The following CDH13 variants were observed in gnomAD, a reference collection of about 807,000 sequenced individuals.
CDH13 encodes the protein cadherin-13.
Under a neutral mutation model 63.8 loss-of-function variants are expected in CDH13, and 24 were observed. The ratio of observed to expected loss-of-function variants is 0.38; its 90% CI spans 0.27 to 0.53. The LOEUF (loss-of-function observed/expected upper bound fraction) is 0.53, where lower values mean the gene tolerates loss of function less well. CDH13 is among the 20% of genes least tolerant of loss of function. The pLI, the probability that CDH13 is intolerant of heterozygous loss-of-function variation, is 0.85. For missense variants in CDH13, 1,049 were observed against 903.1 expected (o/e 1.16, Z -2.07); for synonymous variants, 503 against 355.3 (o/e 1.42, Z -4.67).
chr16:83,237,590 G>C (rs1241475618), intron 5 of CDH13, among the ~76,000 whole-genome samples: 1 of 152,202 alleles, frequency 6.6e-6, no homozygotes, highest in Admixed American at 6.5e-5. Flanking sequence ...AGCTGCATTT[G>C]GCTGATGGCC....
At chr16:82,823,474 C>G (rs1386928330) in intron 1 of CDH13, 3 of 152,226 alleles carry the variant, frequency 2.0e-5, no homozygotes, top group African/African-American at 7.2e-5. Flanking sequence ...AAAGCCTATT[C>G]TAAAATTCAA....
At chr16:83,087,916 G>A (rs1434120981) in intron 3 of CDH13, among the ~76,000 whole-genome samples, 1 of 152,124 alleles carries the variant, frequency 6.6e-6, no homozygotes, top group East Asian at 1.9e-4. Context: ...GAAGAAAATA[G>A]TGTGGCCTTT....
At chr16:83,449,527 CT>C (rs2072821124) in intron 6 of CDH13, among the ~76,000 whole-genome samples, 1 of 152,188 alleles carries the variant, frequency 6.6e-6, no homozygotes, top group South Asian at 2.1e-4. Context: ...TTAATTCTCT[CT>C]TTTAGTCACT....
Position 83,799,316 on chromosome 16 carries a change from AAAAAG to A in CDH13, c.*4290_*4294del, listed in dbSNP as rs1205226716. 3.3e-5 allele frequency: 5 copies of A among 150,260 alleles called. No individual in the cohort carries two copies. The highest frequency in any genetic ancestry group is 5.9e-5 in the Non-Finnish European group (4 of 67,600). 9.3% of individuals were successfully genotyped at this position (150,260 alleles called of 1,614,324 possible). On this transcript the variant is annotated 3_prime_UTR_variant, in exon 14 of 14. Transcript: ENST00000567109. ...GACTCCGTCAAAAAAAAAAAAAAAAAAAAAGAAAGAAAAGGAAATTTATGAACTCC... is the reference window on the plus strand; with the variant it reads ...GACTCCGTCAAAAAAAAAAAAAAAAAAAAGAAAAGGAAATTTATGAACTCC...
chr16:83,768,390 A>G (rs1173028565), intron 11 of CDH13, among the ~76,000 whole-genome samples: 3 of 152,210 alleles, frequency 2.0e-5, no homozygotes, highest in African/African-American at 7.2e-5. Flanking sequence ...TGTAATCGCA[A>G]TAGGTTTGTT....
intron 1 of CDH13, among the ~76,000 whole-genome samples, chr16:82,718,563 T>C (rs1404623317): frequency 6.6e-6 from 1 of 152,168 alleles, no homozygotes; most frequent in Non-Finnish European, 1.5e-5. Flanking sequence ...TAGTCCATTT[T>C]CACGCTGCTG....
At chr16:82,770,914 C>T (rs1223009370) in intron 1 of CDH13, among the ~76,000 whole-genome samples, 1 of 152,098 alleles carries the variant, frequency 6.6e-6, no homozygotes, top group South Asian at 2.1e-4. Flanking sequence ...CACCACATTG[C>T]CCAGGCTGGT....
chr16:82,650,869 C>T (rs1484658504), intron 1 of CDH13, among the ~76,000 whole-genome samples: 1 of 152,180 alleles, frequency 6.6e-6, no homozygotes, highest in Non-Finnish European at 1.5e-5. Flanking sequence ...CCCAGTGGGG[C>T]AGGGCAGTAA....
chr16:83,139,332 GAA>G (rs1370851545), intron 4 of CDH13, among the ~76,000 whole-genome samples: 1 of 152,190 alleles, frequency 6.6e-6, no homozygotes, highest in Non-Finnish European at 1.5e-5. Flanking sequence ...CTGTGAATTT[GAA>G]AACTTTTATT....
At chr16:83,155,982 C>T (rs1245827070) in intron 4 of CDH13, among the ~76,000 whole-genome samples, 6 of 152,128 alleles carry the variant, frequency 3.9e-5, no homozygotes, top group Admixed American at 6.5e-5. Flanking sequence ...TTGAGCTCCC[C>T]GGGTGAGTCC....
chr16:83,340,449 C>G (rs1300434637), intron 5 of CDH13, among the ~76,000 whole-genome samples: 2 of 152,164 alleles, frequency 1.3e-5, no homozygotes, highest in Non-Finnish European at 2.9e-5. Flanking sequence ...GGTGGCAAGA[C>G]TCAGCCTCCT....
At chr16:82,647,159 C>T in intron 1 of CDH13, among the ~76,000 whole-genome samples, 1 of 152,270 alleles carries the variant, frequency 6.6e-6, no homozygotes, top group Non-Finnish European at 1.5e-5. Context: ...GTTACCAGAT[C>T]TATGAAATGT....
chr16:83,504,839 A>G (rs1263612731), intron 7 of CDH13, among the ~76,000 whole-genome samples: 1 of 152,218 alleles, frequency 6.6e-6, no homozygotes, highest in African/African-American at 2.4e-5. Flanking sequence ...TTTAAAGTAG[A>G]AAATATATTC....
At chr16:83,661,433 C>T (rs1353974631) in intron 8 of CDH13, among the ~76,000 whole-genome samples, 1 of 150,514 alleles carries the variant, frequency 6.6e-6, no homozygotes, top group Non-Finnish European at 1.5e-5. Context: ...CAATGAGACG[C>T]AGTCACACCA....
chr16:82,996,780 G>A (rs1405134769), intron 2 of CDH13, among the ~76,000 whole-genome samples: 3 of 151,968 alleles, frequency 2.0e-5, no homozygotes, highest in African/African-American at 7.3e-5. Flanking sequence ...GATGACGATG[G>A]TGATGGTGGG....
chr16:82,820,299 A>G (rs1483374894), intron 1 of CDH13, among the ~76,000 whole-genome samples: 1 of 152,204 alleles, frequency 6.6e-6, no homozygotes, highest in African/African-American at 2.4e-5. Flanking sequence ...TTACGTTGGT[A>G]CTCATAAAAG....
intron 5 of CDH13, among the ~76,000 whole-genome samples, chr16:83,246,631 C>T (rs7192206): frequency 0.15 from 22,161 of 152,152 alleles, 1,659 homozygotes; most frequent in Middle Eastern, 0.2. Flanking sequence ...GTTGCATCTT[C>T]AGTGTGGTTT....
At chr16:82,978,462 T>C (rs1909820602) in intron 2 of CDH13, among the ~76,000 whole-genome samples, 1 of 152,170 alleles carries the variant, frequency 6.6e-6, no homozygotes, top group African/African-American at 2.4e-5. Context: ...AAAAATGGCT[T>C]TGTGGGCCAG....
chr16:83,258,513 A>G (rs1035098727), intron 5 of CDH13, among the ~76,000 whole-genome samples: 3 of 152,202 alleles, frequency 2.0e-5, no homozygotes, highest in African/African-American at 7.2e-5. Context: ...GAAGAGAGGA[A>G]GGCACTCTGT....
Sources: allele counts gnomAD v4.1 joint callset (sites outside exome capture counted in the v4.1 genomes callset), GRCh38; gene constraint gnomAD v4.1.1; transcripts MANE v1.5; gene names NCBI Gene and HGNC (gene_info 2026-07-23, HGNC 2026-07-21).